Variants in RRAGB observed in about 807,000 individuals in gnomAD.
The protein encoded by RRAGB is ras-related GTP-binding protein B.
Under a neutral mutation model 29.3 loss-of-function variants are expected in RRAGB, and 6 were observed. The ratio of observed to expected loss-of-function variants is 0.21; its 90% CI spans 0.11 to 0.40. The LOEUF (loss-of-function observed/expected upper bound fraction) is 0.40, where lower values mean the gene tolerates loss of function less well. RRAGB is among the 10% of genes least tolerant of loss of function. The pLI is 1.00. For synonymous variants in RRAGB, 101 were observed against 92.5 expected (o/e 1.09, Z -0.53); for missense variants, 184 against 272.9 (o/e 0.67, Z 2.29).
At chrX:55,718,532 C>T in intron 1 of RRAGB, 113 bp downstream of exon 1, 3 of 473,831 alleles carry the variant, frequency 6.3e-6, no homozygotes, top group Non-Finnish European at 7.0e-6. Flanking sequence ...CTTTGATTTA[C>T]CAGTAATGTT....
chrX:55,718,519 T>TCAAAGCAATTTATCA, intron 1 of RRAGB, 100 bp downstream of exon 1: 1 of 508,309 alleles, frequency 2.0e-6, no homozygotes, highest in Non-Finnish European at 3.2e-6. Flanking sequence ...CCATGATAAA[T>TCAAAGCAATTTATCA]TGCTTTGATT....
chrX:55,734,449 TTC>T (rs1416354218), intron 5 of RRAGB, among the ~76,000 whole-genome samples: 1 of 111,397 alleles, frequency 9.0e-6, no homozygotes, highest in Non-Finnish European at 1.9e-5. Context: ...TCCTTTGTAT[TTC>T]TGTGTTTATC....
intron 2 of RRAGB, among the ~76,000 whole-genome samples, chrX:55,719,994 A>G (rs1279122119): frequency 1.8e-5 from 2 of 112,419 alleles, no homozygotes; most frequent in African/African-American, 3.2e-5. Flanking sequence ...AAATTAGTAA[A>G]TGCCTGTAGA....
rs188902857 is a variant in RRAGB at position 55,755,946 on chromosome X, T to A, written c.827+14T>A. On this transcript the variant is annotated intron_variant, in intron 8 of 9. Transcript: ENST00000374941. ...GCTGAGCTGCAGGTAAGAGATCTAGTAGGAATGATCTGTTTATCTCTTGAA... is the reference window on the plus strand; with the variant it reads ...GCTGAGCTGCAGGTAAGAGATCTAGAAGGAATGATCTGTTTATCTCTTGAA... The A allele has an allele frequency of 7.4e-5, 82 of 1,105,426 alleles. No homozygotes were observed. In the Admixed American group the frequency reaches 7.6e-4, roughly 10 times the overall value. The allele number at this position is 1,105,426 out of a possible 1,213,427, so 91.1% of individuals were successfully genotyped here. A position where few individuals can be genotyped will look rare whatever the true frequency, so the allele number is the denominator to read the frequency against.
chrX:55,733,329 T>A (rs1212413955), intron 5 of RRAGB, among the ~76,000 whole-genome samples: 2 of 112,471 alleles, frequency 1.8e-5, no homozygotes, highest in African/African-American at 6.5e-5. Context: ...CTAGGACTTC[T>A]AGTACTATGT....
chrX:55,758,087 G>A (rs866466141), intron 9 of RRAGB, among the ~76,000 whole-genome samples, 159 bp from the exon 10 acceptor site: 3 of 111,987 alleles, frequency 2.7e-5, no homozygotes, highest in Non-Finnish European at 3.8e-5. Context: ...TGCTTATTCA[G>A]AAAAATTAAA....
intron 7 of RRAGB, chrX:55,755,352 T>C (rs2034630891): frequency 1.3e-6 from 1 of 749,745 alleles, no homozygotes; most frequent in Admixed American, 8.6e-5. Context: ...AATAAGTTCA[T>C]TTGTAAATAT....
intron 7 of RRAGB, among the ~76,000 whole-genome samples, chrX:55,753,799 C>T (rs1348772628): frequency 8.9e-6 from 1 of 112,373 alleles, no homozygotes; most frequent in Non-Finnish European, 1.9e-5. Flanking sequence ...AATCCCAGCA[C>T]TTTGGGAGGC....
chrX:55,749,032 G>C, intron 5 of RRAGB, among the ~76,000 whole-genome samples: 1 of 100,648 alleles, frequency 9.9e-6, no homozygotes, highest in Non-Finnish European at 2.0e-5. Context: ...CTCCCGCCCG[G>C]CCAGCCGCCC....
chrX:55,724,969 T>C (rs1412333380), intron 3 of RRAGB, among the ~76,000 whole-genome samples: 1 of 112,218 alleles, frequency 8.9e-6, no homozygotes, highest in Non-Finnish European at 1.9e-5. Context: ...TGAACACTTT[T>C]GTTGAAGCAT....
chrX:55,729,298 T>A lies in RRAGB; in HGVS notation c.231T>A (p.Asp77Glu). Reference sequence around the variant, plus strand: ...TTTGTCATATTTGTCTTCCAGTTGATGTAGAACATTCTCATGTTCGATTTC... The same window carrying A: ...TTTGTCATATTTGTCTTCCAGTTGAAGTAGAACATTCTCATGTTCGATTTC... ...RDTRRLGATI[D>E]VEHSHVRFLG... The change falls in exon 4 of 10, where the codon GAT (aspartate) becomes GAA (glutamate). Residue 77 changes from aspartate (D) to glutamate (E), a missense_variant. Asp to Glu is a conservative substitution (Grantham distance 45). Transcript: ENST00000374941. The A allele has an allele frequency of 8.4e-7, 1 of 1,186,031 alleles. No homozygotes were observed.
intron 7 of RRAGB, 127 bp from the exon 8 acceptor site, chrX:55,755,714 T>A (rs1040992826): frequency 8.3e-6 from 9 of 1,083,075 alleles, no homozygotes; most frequent in Non-Finnish European, 1.1e-5. Context: ...AAAGAGACAA[T>A]AAGCCAGGTG....
chrX:55,746,621 G>A (rs1392874234), intron 5 of RRAGB, among the ~76,000 whole-genome samples: 1 of 112,165 alleles, frequency 8.9e-6, no homozygotes, highest in East Asian at 2.8e-4. Context: ...CTGGAACCTC[G>A]CAGGTTTGGT....
At chrX:55,749,428 G>T (rs940522116) in intron 5 of RRAGB, among the ~76,000 whole-genome samples, 1 of 105,996 alleles carries the variant, frequency 9.4e-6, no homozygotes, top group Admixed American at 9.7e-5. Flanking sequence ...TCAGCCCCCC[G>T]CCCGGCCAGC....
At chrX:55,755,600 T>C (rs1443140702) in intron 7 of RRAGB, 22 of 743,994 alleles carry the variant, frequency 3.0e-5, no homozygotes, top group Non-Finnish European at 3.5e-5. Flanking sequence ...TGAACCAAAA[T>C]AGGCAATACG....
intron 7 of RRAGB, among the ~76,000 whole-genome samples, chrX:55,754,596 T>C (rs1378258143): frequency 8.9e-6 from 1 of 112,350 alleles, no homozygotes; most frequent in African/African-American, 3.2e-5. Context: ...AGATTTATTG[T>C]GCAGATGAAA....
chrX:55,742,229 C>G (rs1454645279), intron 5 of RRAGB, among the ~76,000 whole-genome samples: 5 of 112,441 alleles, frequency 4.4e-5, no homozygotes, highest in African/African-American at 1.3e-4. Flanking sequence ...ATGACAATTG[C>G]AATTCTCATT....
rs1452537079 is a variant in RRAGB, at chrX:55,731,412, C to T, written c.342C>T (p.Ile114=). 1.7e-6 allele frequency: 2 copies of T among 1,210,933 alleles called. No individual in the cohort carries two copies. Among genetic ancestry groups the T allele is most frequent in the Non-Finnish European group, 2.2e-6 (2 of 894,937 alleles). ...ATTTCACTAGCCAACGGGACAACAT[C>T]TTCCGAAATGTGGAGGTTCTGATTT... ...ENYFTSQRDN[I]FRNVEVLIYV... Residue 114 remains isoleucine (I), a synonymous_variant, in exon 5 of 10, where the codon ATC becomes ATT. Transcript: ENST00000374941.
At chrX:55,727,722 TTAGA>T (rs1215255141) in intron 3 of RRAGB, among the ~76,000 whole-genome samples, 1 of 111,906 alleles carries the variant, frequency 8.9e-6, no homozygotes, top group African/African-American at 3.3e-5. Context: ...TGCACAAAAG[TTAGA>T]TAGCAGTCAA....
Sources: gnomAD v4.1 joint callset for allele counts (sites outside exome capture counted in the v4.1 genomes callset) on GRCh38, gnomAD v4.1.1 for gene constraint, MANE v1.5 for transcripts, NCBI Gene and HGNC (gene_info 2026-07-23, HGNC 2026-07-21) for gene names.